Variants in LRP6 observed in about 807,000 individuals in gnomAD.
The protein encoded by LRP6 is LDL receptor related protein 6.
In LRP6, 43 loss-of-function variants were observed where a neutral mutation model predicts 184.1. The observed-to-expected ratio is 0.23, with a 90% CI of 0.18 to 0.30. The LOEUF (loss-of-function observed/expected upper bound fraction) is 0.30. Ranked by LOEUF, LRP6 falls within the 10% of genes least tolerant of loss-of-function variation. The pLI, the probability that LRP6 is intolerant of heterozygous loss-of-function variation, is 1.00. For synonymous variants in LRP6, 719 were observed against 684.9 expected (o/e 1.05, Z -0.78); for missense variants, 1,571 against 2,005.3 (o/e 0.78, Z 4.14).
intron 11 of LRP6, 64 bp from the exon 12 acceptor site, chr12:12,159,219 G>T: frequency 3.2e-6 from 4 of 1,232,672 alleles, no homozygotes; most frequent in Non-Finnish European, 4.7e-6. Flanking sequence ...GAATACAAGT[G>T]TCTTGCTGGC....
chr12:12,266,262 G>A (rs1865756201), intron 1 of LRP6, among the ~76,000 whole-genome samples: 6 of 152,132 alleles, frequency 3.9e-5, no homozygotes, highest in Admixed American at 3.9e-4. Flanking sequence ...GTGGGGAGTG[G>A]GTGGCGGGGC....
chr12:12,263,579 G>T (rs1485803088), intron 1 of LRP6, among the ~76,000 whole-genome samples: 1 of 148,786 alleles, frequency 6.7e-6, no homozygotes, highest in Non-Finnish European at 1.5e-5. Context: ...GTGTGAATCT[G>T]CACCTGTAAT....
chr12:12,149,150 A>C lies in LRP6; in HGVS notation c.2998T>G (p.Phe1000Val). The change falls in exon 14 of 23, where the codon TTT becomes GTT. Residue 1000 changes from phenylalanine to valine, a missense_variant. By Grantham distance (50) the Phe-to-Val change is conservative. Coordinates refer to ENST00000261349, the MANE Select transcript of LRP6 (RefSeq NM_002336.3). ...GGAACTGAGCTCACAACCACAGTAA[A>C]GCCCTAGGGAAAAAAAGAAATACAG... The part of the protein sequence containing the change: ...RKAQEDGSQG[F>V]TVVVSSVPSQ... The C allele has an allele frequency of 6.2e-7, 1 of 1,613,520 alleles. No individual in the cohort carries two copies. Among genetic ancestry groups the C allele is most frequent in the South Asian group, 1.1e-5 (1 of 91,066 alleles).
At chr12:12,140,150 T>C (rs1300071054) in intron 15 of LRP6, among the ~76,000 whole-genome samples, 1 of 149,854 alleles carries the variant, frequency 6.7e-6, no homozygotes, top group Non-Finnish European at 1.5e-5. Context: ...ACAAAGGAAC[T>C]TGGAGAAAAA....
intron 2 of LRP6, among the ~76,000 whole-genome samples, chr12:12,209,847 T>C (rs1185571836): frequency 6.6e-6 from 1 of 151,634 alleles, no homozygotes; most frequent in Admixed American, 6.6e-5. Flanking sequence ...AGACAAGGAG[T>C]GGCAAGTATA....
intron 1 of LRP6, among the ~76,000 whole-genome samples, chr12:12,255,572 T>TTTTTTC (rs1235128294): frequency 2.1e-5 from 3 of 145,154 alleles, no homozygotes; most frequent in African/African-American, 7.7e-5. Context: ...GTCACTTTTT[T>TTTTTTC]TTTTTTTTTT....
chr12:12,240,737 A>G (rs2135911056), intron 2 of LRP6, among the ~76,000 whole-genome samples: 1 of 152,254 alleles, frequency 6.6e-6, no homozygotes, highest in Non-Finnish European at 1.5e-5. Flanking sequence ...CAAACAAACA[A>G]AACACCCTTA....
At chr12:12,147,691 AC>A in intron 14 of LRP6, 135 bp from the exon 15 acceptor site, 1 of 760,128 alleles carries the variant, frequency 1.3e-6, no homozygotes, top group South Asian at 1.7e-5. Flanking sequence ...GTATTTTTTG[AC>A]CAGGCACAGT....
intron 16 of LRP6, among the ~76,000 whole-genome samples, chr12:12,136,185 T>C (rs1455020618): frequency 6.6e-6 from 1 of 151,968 alleles, no homozygotes. Flanking sequence ...AGACTCCATC[T>C]CTACAAAAAA....
intron 2 of LRP6, among the ~76,000 whole-genome samples, chr12:12,229,986 C>A (rs937385030): frequency 3.3e-5 from 5 of 152,190 alleles, no homozygotes; most frequent in African/African-American, 1.2e-4. Flanking sequence ...ATCCAAAAAT[C>A]ATGAAAACCA....
Position 12,228,296 on chromosome 12 carries a change from G to A in LRP6, c.449+15966C>T, listed in dbSNP as rs570103163. ...TGATAATCGCTTGAACCCGGGAGGC[G>A]GAGGTTGCGGTGAGCCCAGATCACA... On this transcript the variant is annotated intron_variant, in intron 2 of 22. Transcript: ENST00000261349. Among the ~76,000 whole-genome samples the A allele has an allele frequency of 1.0e-3, 154 of 152,226 alleles. 1 individual carries two copies. The highest frequency in any genetic ancestry group is 3.6e-3 in the African/African-American group (148 of 41,542).
chr12:12,175,224 A>C (rs1232585441), intron 7 of LRP6, among the ~76,000 whole-genome samples: 2 of 152,166 alleles, frequency 1.3e-5, no homozygotes, highest in Non-Finnish European at 2.9e-5. Context: ...TCCCATCTCT[A>C]CTAAAAATAC....
At chr12:12,125,836 T>C (rs1335562799) in intron 20 of LRP6, among the ~76,000 whole-genome samples, 1 of 152,128 alleles carries the variant, frequency 6.6e-6, no homozygotes, top group Non-Finnish European at 1.5e-5. Flanking sequence ...AAACAACATA[T>C]GAAAGAATAT....
At chr12:12,187,386 G>C (rs1863501989) in intron 3 of LRP6, 3 of 470,642 alleles carry the variant, frequency 6.4e-6, no homozygotes, top group Non-Finnish European at 1.2e-5. Context: ...ATACCCGGCA[G>C]AGAGAGAGCA....
Position 12,158,829 on chromosome 12 carries a change from C to T in LRP6, c.2791G>A (p.Ala931Thr). ...TGCTTTGGAGGGAAATGCAGCTTACCACTACAAGTCCTGTTGTCAGCATTA... is the reference window on the plus strand; with the variant it reads ...TGCTTTGGAGGGAAATGCAGCTTACTACTACAAGTCCTGTTGTCAGCATTA... Reference protein sequence around the residue: ...SLNADNRTCSAPTTFLLFSQK... With the variant: ...SLNADNRTCSTPTTFLLFSQK... Residue 931 changes from alanine to threonine, a missense_variant and splice_region_variant, in exon 12 of 23, where the codon GCT (alanine) becomes ACT (threonine). By Grantham distance (58) the Ala-to-Thr change is moderately conservative. Transcript: ENST00000261349. The T allele has an allele frequency of 6.2e-7, 1 of 1,613,906 alleles. No homozygotes were observed.
intron 19 of LRP6, among the ~76,000 whole-genome samples, chr12:12,129,355 T>C (rs1180012984): frequency 6.6e-6 from 1 of 152,166 alleles, no homozygotes; most frequent in Non-Finnish European, 1.5e-5. Context: ...TAGTCCTCCA[T>C]GATTGTACCT....
chr12:12,145,255 C>G (rs998153636), intron 15 of LRP6, among the ~76,000 whole-genome samples: 2 of 151,308 alleles, frequency 1.3e-5, no homozygotes, highest in Admixed American at 1.3e-4. Flanking sequence ...ACTATACATG[C>G]GTAAGTGTGT....
intron 19 of LRP6, among the ~76,000 whole-genome samples, chr12:12,130,414 G>A (rs1949733681): frequency 2.0e-5 from 3 of 152,028 alleles, no homozygotes; most frequent in Non-Finnish European, 4.4e-5. Context: ...TCGAACTCCT[G>A]ACCTCAAGTG....
intron 1 of LRP6, among the ~76,000 whole-genome samples, chr12:12,253,859 A>T (rs1041440233): frequency 6.6e-6 from 1 of 152,076 alleles, no homozygotes; most frequent in East Asian, 1.9e-4. Context: ...AAAAAGGGCT[A>T]TGGGCCAGGT....
Sources: allele counts gnomAD v4.1 joint callset (sites outside exome capture counted in the v4.1 genomes callset), GRCh38; gene constraint gnomAD v4.1.1; transcripts MANE v1.5; gene names NCBI Gene and HGNC (gene_info 2026-07-23, HGNC 2026-07-21).